The following LHFPL5 variants were observed in gnomAD, a reference collection of about 807,000 sequenced individuals.
The protein encoded by LHFPL5 is LHFPL tetraspan subfamily member 5.
LHFPL5 carries 12 observed loss-of-function variants against 18.7 expected under a neutral mutation model. That is an observed-to-expected ratio of 0.64 (90% CI 0.41 to 1.04). The LOEUF is 1.04. LHFPL5 is among the 50% of genes least tolerant of loss of function. The probability of loss-of-function intolerance (pLI) is 0.00; values close to 1 mark genes in which losing one functional copy is unlikely to be tolerated. For missense variants in LHFPL5, 259 were observed against 292.1 expected, an observed-to-expected ratio of 0.89 and a Z score of 0.83; for synonymous variants, 111 against 120.2, an observed-to-expected ratio of 0.92 and a Z score of 0.50.
chr6:35,823,063 C>T lies in LHFPL5; in HGVS notation c.*98C>T, dbSNP rs968528004. The stretch of plus-strand genomic sequence containing the variant: ...ACTTGTTCTTCCAAGTTTCCTTGTT[C>T]CTGGCTACTATAGGCCTGAAGCCTG... On this transcript the variant is annotated 3_prime_UTR_variant, in exon 4 of 4. Transcript: ENST00000360215. 2 of 152,154 alleles carry T rather than the reference C, an allele frequency of 1.3e-5. No individual in the cohort carries two copies. The highest frequency in any genetic ancestry group is 2.4e-5 in the African/African-American group (1 of 41,440). 9.4% of individuals were successfully genotyped at this position (152,154 alleles called of 1,614,324 possible).
rs35884324 is a variant in LHFPL5 at position 35,813,239 on chromosome 6, ATT to A, written c.413-1284_413-1283del. 2.2e-3 allele frequency among the ~76,000 whole-genome samples: 126 copies of A among 56,320 alleles called. 1 individual carries two copies. The highest frequency in any genetic ancestry group is 9.3e-3 in the East Asian group (12 of 1,290). 36.9% of individuals were successfully genotyped at this position (56,320 alleles called of 152,430 possible). A position where few individuals can be genotyped will look rare whatever the true frequency, so the allele number is the denominator to read the frequency against. On this transcript the variant is annotated intron_variant, in intron 1 of 3. Coordinates refer to ENST00000360215, the MANE Select transcript of LHFPL5 (RefSeq NM_182548.4). ...ACCCAACCATGACCTAGGAACTAGC[ATT>A]TTTTTTTTTTTTTTTTTTTTTTGAG... is the stretch of plus-strand genomic sequence containing the variant.
At position 35,823,124 on chromosome 6, in the gene LHFPL5, C is replaced by T. The variant is rs557908593; in HGVS notation, c.*159C>T. ...TTATAACACTAAAACTGGACAGTCTCCTGAGACAAGACCTCCTACTGTACT... is the reference window on the plus strand; with the variant it reads ...TTATAACACTAAAACTGGACAGTCTTCTGAGACAAGACCTCCTACTGTACT... On this transcript the variant is annotated 3_prime_UTR_variant, in exon 4 of 4. Coordinates refer to ENST00000360215, the MANE Select transcript of LHFPL5 (RefSeq NM_182548.4). 6.6e-6 allele frequency: 1 copy of T among 152,062 alleles called. No individual in the cohort carries two copies. Among genetic ancestry groups the T allele is most frequent in the Non-Finnish European group, 1.5e-5 (1 of 68,018 alleles). The allele number at this position is 152,062 out of a possible 1,614,324, so 9.4% of individuals were successfully genotyped here.
At chr6:35,821,303 CA>C (rs545383687) in intron 3 of LHFPL5, among the ~76,000 whole-genome samples, 9,536 of 99,894 alleles carry the variant, frequency 0.095, 370 homozygotes, top group African/African-American at 0.15. Flanking sequence ...GACTGAGTCT[CA>C]AAAAAAAAAA....
At chr6:35,807,989 G>C (rs548795447) in intron 1 of LHFPL5, among the ~76,000 whole-genome samples, 1 of 152,004 alleles carries the variant, frequency 6.6e-6, no homozygotes, top group South Asian at 2.1e-4. Flanking sequence ...AAGTAGGAAG[G>C]CATGCACCTT....
In LHFPL5 at chr6:35,814,291, C is replaced by T. The variant is rs557774237; in HGVS notation, c.413-255C>T. Among the ~76,000 whole-genome samples, 6 of 152,014 alleles carry T rather than the reference C, an allele frequency of 3.9e-5. No individual in the cohort carries two copies. The East Asian group carries it at 7.8e-4, about 20-fold the overall frequency. ...GGACCACCTGGTGTGGTGGCAGAGC[C>T]GGCCTGGGCTTAGGAGCTCAGCTCT... On this transcript the variant is annotated intron_variant, in intron 1 of 3. Coordinates refer to ENST00000360215, the MANE Select transcript of LHFPL5 (RefSeq NM_182548.4). This position sits in a 1 kb window ranked among gnomAD's most constrained non-coding sequence, Gnocchi z 4.2.
intron 2 of LHFPL5, among the ~76,000 whole-genome samples, chr6:35,818,826 A>G (rs1768816472): frequency 6.7e-6 from 1 of 149,000 alleles, no homozygotes; most frequent in South Asian, 2.1e-4. Flanking sequence ...TTTCCAGCAT[A>G]TTCACTATTT....
chr6:35,813,991 T>A (rs1315379948), intron 1 of LHFPL5, among the ~76,000 whole-genome samples: 1 of 151,944 alleles, frequency 6.6e-6, no homozygotes, highest in Non-Finnish European at 1.5e-5. Flanking sequence ...AGAACAGGGT[T>A]TCTCCATGTT....
At chr6:35,811,844 C>T (rs1468772159) in intron 1 of LHFPL5, among the ~76,000 whole-genome samples, 1 of 152,240 alleles carries the variant, frequency 6.6e-6, no homozygotes, top group Non-Finnish European at 1.5e-5. Context: ...TCTTCCTGAA[C>T]ACTTAGTTTT....
chr6:35,818,320 CATATATATATATATATAT>C (rs112710434), intron 2 of LHFPL5, among the ~76,000 whole-genome samples: 83,687 of 120,132 alleles, frequency 0.7, 27,258 homozygotes, highest in East Asian at 0.82. Context: ...TACTAAAAGC[CATATATATATATATATAT>C]ATATATATAT....
chr6:35,819,799 T>G (rs952246600), intron 3 of LHFPL5: 13 of 348,028 alleles, frequency 3.7e-5, no homozygotes, highest in African/African-American at 2.7e-4. Flanking sequence ...TGCCTCAGCC[T>G]CCCGAGTAGC....
chr6:35,818,934 C>A (rs1189132221), intron 2 of LHFPL5, among the ~76,000 whole-genome samples: 2 of 152,182 alleles, frequency 1.3e-5, no homozygotes, highest in East Asian at 1.9e-4. Context: ...CATTTTCAAG[C>A]GATTCTCCTG....
intron 2 of LHFPL5, among the ~76,000 whole-genome samples, chr6:35,816,570 G>A (rs1461665646): frequency 6.6e-6 from 1 of 152,020 alleles, no homozygotes; most frequent in Non-Finnish European, 1.5e-5. Flanking sequence ...CCAGCGCTCT[G>A]GGAGGCCAAG....
chr6:35,805,794 G>A lies in LHFPL5; in HGVS notation c.124G>A (p.Ala42Thr), dbSNP rs750481586. 3 of 1,614,200 alleles carry A rather than the reference G, an allele frequency of 1.9e-6. No homozygotes were observed. The highest frequency in any genetic ancestry group is 1.1e-5 in the South Asian group (1 of 91,084). Residue 42 changes from alanine (A) to threonine (T), a missense_variant, in exon 1 of 4, where the codon GCC (alanine) becomes ACC (threonine). Physicochemically the swap from Ala to Thr is moderately conservative, Grantham distance 58. Coordinates refer to ENST00000360215, the MANE Select transcript of LHFPL5 (RefSeq NM_182548.4). The surrounding 1 kb of genome is among the most constrained non-coding windows in gnomAD (Gnocchi z 4.3). ...LTICFSVLVM[A>T]LFIQPYWIGD... ...CATCTGCTTCTCCGTACTGGTCATGGCCCTCTTCATCCAGCCCTACTGGAT... is the reference window on the plus strand; with the variant it reads ...CATCTGCTTCTCCGTACTGGTCATGACCCTCTTCATCCAGCCCTACTGGAT...
intron 3 of LHFPL5, 147 bp from the exon 4 acceptor site, chr6:35,822,835 C>A (rs910062617): frequency 1.3e-5 from 2 of 152,244 alleles, no homozygotes; most frequent in Admixed American, 6.5e-5. Context: ...GCCTCGAACT[C>A]CTGACCTCAA....
At chr6:35,811,913 G>T (rs1768671176) in intron 1 of LHFPL5, among the ~76,000 whole-genome samples, 1 of 152,244 alleles carries the variant, frequency 6.6e-6, no homozygotes, top group Admixed American at 6.5e-5. Flanking sequence ...CCCTGGGAGA[G>T]ATGTCATGTT....
intron 1 of LHFPL5, among the ~76,000 whole-genome samples, chr6:35,809,933 T>G (rs1162867433): frequency 6.6e-6 from 1 of 152,268 alleles, no homozygotes; most frequent in East Asian, 1.9e-4. Flanking sequence ...CTTTTCCTAC[T>G]GAGAAAATGA....
chr6:35,813,792 C>CTTTT (rs1012092184), intron 1 of LHFPL5, among the ~76,000 whole-genome samples: 11 of 121,530 alleles, frequency 9.1e-5, no homozygotes, highest in East Asian at 2.5e-4. Flanking sequence ...TTTCCTTTTC[C>CTTTT]TTTTTTTTTT....
In LHFPL5 at chr6:35,805,626, A is replaced by G; in HGVS notation, c.-45A>G. On this transcript the variant is annotated 5_prime_UTR_variant, in exon 1 of 4. Coordinates refer to ENST00000360215, the MANE Select transcript of LHFPL5 (RefSeq NM_182548.4). This position sits in a 1 kb window ranked among gnomAD's most constrained non-coding sequence, Gnocchi z 4.3. Reference sequence around the variant, plus strand: ...TAGGCCTCCATCCACAAAGCTACGGACTTGCAGCCCACGGGACCCCAGCCC... The same window carrying G: ...TAGGCCTCCATCCACAAAGCTACGGGCTTGCAGCCCACGGGACCCCAGCCC... 6.2e-7 allele frequency: 1 copy of G among 1,608,266 alleles called. No homozygotes were observed. Among genetic ancestry groups the G allele is most frequent in the Non-Finnish European group, 8.5e-7 (1 of 1,175,544 alleles).
Position 35,814,661 on chromosome 6 carries a change from C to T in LHFPL5, c.528C>T (p.Arg176=). ...GKYTLGHCTI[R]WAFMLAILSI... ...ACACGCTGGGCCACTGCACCATCCG[C>T]TGGGCCTTCATGCTGGCCATCCTCA... The change falls in exon 2 of 4, where the codon CGC becomes CGT. Residue 176 remains arginine, a synonymous_variant. Coordinates refer to ENST00000360215, the MANE Select transcript of LHFPL5 (RefSeq NM_182548.4). The surrounding 1 kb of genome is among the most constrained non-coding windows in gnomAD (Gnocchi z 4.2). The T allele has an allele frequency of 6.2e-7, 1 of 1,614,174 alleles. No individual in the cohort carries two copies. The highest frequency in any genetic ancestry group is 8.5e-7 in the Non-Finnish European group (1 of 1,180,026).
Sources: gnomAD v4.1 joint callset for allele counts (sites outside exome capture counted in the v4.1 genomes callset) on GRCh38, gnomAD v4.1.1 for gene constraint, Gnocchi (gnomAD v3.1) non-coding constraint, MANE v1.5 for transcripts, NCBI Gene and HGNC (gene_info 2026-07-23, HGNC 2026-07-21) for gene names.